The following PCDHA12 variants were observed in gnomAD, a reference collection of about 807,000 sequenced individuals.
PCDHA12 encodes protocadherin alpha-12.
In PCDHA12, 44 loss-of-function variants were observed where a neutral mutation model predicts 60.0. That is an observed-to-expected ratio of 0.73 (90% CI 0.58 to 0.94). The LOEUF (loss-of-function observed/expected upper bound fraction) is 0.94. PCDHA12 is among the 40% of genes least tolerant of loss of function. PCDHA12 has a pLI of 0.00. For missense variants in PCDHA12, 1,276 were observed against 1,239.7 expected (o/e 1.03, Z -0.44); for synonymous variants, 569 against 553.0 (o/e 1.03, Z -0.40).
At chr5:140,885,073 T>TA (rs1196857475) in intron 1 of PCDHA12, among the ~76,000 whole-genome samples, 2 of 152,226 alleles carry the variant, frequency 1.3e-5, no homozygotes, top group African/African-American at 4.8e-5. Context: ...GATATTATTT[T>TA]AAAGAGCCCC....
At chr5:140,996,082 T>A (rs782553216) in intron 3 of PCDHA12, among the ~76,000 whole-genome samples, 6 of 152,248 alleles carry the variant, frequency 3.9e-5, no homozygotes, top group Non-Finnish European at 7.3e-5. Context: ...AAGATGTTTT[T>A]GCTAGATTAC....
rs1554263795 is a variant in PCDHA12 at position 141,012,061 on chromosome 5, C to T, written c.*2124C>T. 1 of 153,730 alleles carries T rather than the reference C, an allele frequency of 6.5e-6. No homozygotes were observed. The highest frequency in any genetic ancestry group is 1.9e-4 in the East Asian group (1 of 5,194). The allele number at this position is 153,730 out of a possible 1,614,324, so 9.5% of individuals were successfully genotyped here. A position where few individuals can be genotyped will look rare whatever the true frequency, so the allele number is the denominator to read the frequency against. The stretch of plus-strand genomic sequence containing the variant: ...CATGGGGTAAAACTTGTTACCAACA[C>T]ATGTGAACCATTGCTACATTGTAGG... On this transcript the variant is annotated 3_prime_UTR_variant, in exon 4 of 4. Coordinates refer to ENST00000398631, the MANE Select transcript of PCDHA12 (RefSeq NM_018903.4).
chr5:141,005,990 A>G (rs1375805001), intron 3 of PCDHA12, among the ~76,000 whole-genome samples: 6 of 151,998 alleles, frequency 3.9e-5, no homozygotes, highest in Admixed American at 3.9e-4. Flanking sequence ...GTGTTTGAGG[A>G]TCTGAAAGAA....
In PCDHA12 at chr5:140,978,964, C is replaced by A; in HGVS notation, c.2383C>A (p.Pro795Thr). The A allele has an allele frequency of 6.2e-7, 1 of 1,614,122 alleles. No individual in the cohort carries two copies. The highest frequency in any genetic ancestry group is 1.3e-5 in the African/African-American group (1 of 75,040). ...GATTTTGCAGCCACGACAGCCCAAC[C>A]CTGACTGGCGTTACTCTGCCTCCCT... The part of the protein sequence containing the change: ...NPPSEPRQPN[P>T]DWRYSASLRA... Residue 795 changes from proline (P) to threonine (T), a missense_variant, in exon 2 of 4, where the codon CCT becomes ACT. Transcript: ENST00000398631.
At chr5:140,899,111 A>G (rs2067143820) in intron 1 of PCDHA12, among the ~76,000 whole-genome samples, 1 of 152,186 alleles carries the variant, frequency 6.6e-6, no homozygotes, top group Admixed American at 6.5e-5. Context: ...GGGGTTTTCT[A>G]GATATACAAT....
chr5:140,911,979 A>G (rs1583809781), intron 1 of PCDHA12, among the ~76,000 whole-genome samples: 2 of 152,328 alleles, frequency 1.3e-5, no homozygotes, highest in African/African-American at 4.8e-5. Flanking sequence ...AACTCACATG[A>G]TCACAAGGTC....
chr5:140,928,485 C>T, intron 1 of PCDHA12: 2 of 1,614,136 alleles, frequency 1.2e-6, no homozygotes, highest in Non-Finnish European at 1.7e-6. Context: ...GGGATGGTGG[C>T]ATTCCTCCCA....
Position 141,009,759 on chromosome 5 carries a change from GATCTCCTGCAATCATCTCC to G in PCDHA12, c.2652_2670del (p.Pro885GlyfsTer15). 6.2e-7 allele frequency: 1 copy of G among 1,614,082 alleles called. No individual in the cohort carries two copies. The highest frequency in any genetic ancestry group is 8.5e-7 in the Non-Finnish European group (1 of 1,180,014). On this transcript the variant is annotated frameshift_variant, in exon 4 of 4. Transcript: ENST00000398631. LOFTEE classifies it high-confidence loss of function. Reference sequence around the variant, plus strand: ...TTGCCCGACAAATTCATTATCCCAGGATCTCCTGCAATCATCTCCATCCGGCAGGAGCCTACTAACAGCC... The same window carrying G: ...TTGCCCGACAAATTCATTATCCCAGGATCCGGCAGGAGCCTACTAACAGCC...
chr5:141,002,039 C>G (rs1198304632), intron 3 of PCDHA12, among the ~76,000 whole-genome samples: 1 of 152,216 alleles, frequency 6.6e-6, no homozygotes, highest in Non-Finnish European at 1.5e-5. Flanking sequence ...TGACTCTTTC[C>G]TGGGCATCCA....
At position 140,938,754 on chromosome 5, in the gene PCDHA12, A is replaced by G. The variant is rs79400957; in HGVS notation, c.2368-40195A>G. Among the ~76,000 whole-genome samples the G allele has an allele frequency of 2.9e-3, 442 of 152,274 alleles. 1 individual carries two copies. Among genetic ancestry groups the G allele is most frequent in the African/African-American group, 0.01 (423 of 41,554 alleles). The stretch of plus-strand genomic sequence containing the variant: ...AAAAAATAATTATTTTTAAAGGCAT[A>G]GTTATTGGGTACTAGACTTAGTACC... On this transcript the variant is annotated intron_variant, in intron 1 of 3. Transcript: ENST00000398631.
intron 3 of PCDHA12, among the ~76,000 whole-genome samples, chr5:140,983,265 T>C (rs553920702): frequency 6.6e-6 from 1 of 152,200 alleles, no homozygotes; most frequent in Non-Finnish European, 1.5e-5. Flanking sequence ...AAAAACCTAA[T>C]GGCTGGGTGA....
chr5:140,976,494 G>A (rs1247242198), intron 1 of PCDHA12, among the ~76,000 whole-genome samples: 1 of 151,942 alleles, frequency 6.6e-6, no homozygotes, highest in Non-Finnish European at 1.5e-5. Context: ...GAGGTTGCAG[G>A]GAGCCAAGAT....
In PCDHA12 at chr5:140,978,974, G is replaced by A. The variant is rs150254638; in HGVS notation, c.2393G>A (p.Arg798His). The A allele has an allele frequency of 2.1e-3, 3,356 of 1,614,130 alleles. 1 individual carries two copies. The highest frequency in any genetic ancestry group is 2.7e-3 in the Non-Finnish European group (3,158 of 1,180,020). The change falls in exon 2 of 4, where the codon CGT becomes CAT. Residue 798 changes from arginine (R) to histidine (H), a missense_variant. Coordinates refer to ENST00000398631, the MANE Select transcript of PCDHA12 (RefSeq NM_018903.4). ...SEPRQPNPDW[R>H]YSASLRAGMH... is the part of the protein sequence containing the mutation. ...CCACGACAGCCCAACCCTGACTGGC[G>A]TTACTCTGCCTCCCTGAGAGCAGGC...
At chr5:140,967,934 A>G (rs781977227) in intron 1 of PCDHA12, 4 of 1,614,172 alleles carry the variant, frequency 2.5e-6, no homozygotes, top group Non-Finnish European at 2.5e-6. Flanking sequence ...TCTCAGTGTC[A>G]ATGACCAAGA....
chr5:140,997,018 A>AT (rs1162959481), intron 3 of PCDHA12, among the ~76,000 whole-genome samples: 3 of 151,882 alleles, frequency 2.0e-5, no homozygotes, highest in Admixed American at 1.3e-4. Flanking sequence ...ATCCTCCAAT[A>AT]TTTTTTTGAA....
At chr5:140,938,468 A>T (rs1427570517) in intron 1 of PCDHA12, among the ~76,000 whole-genome samples, 1 of 152,096 alleles carries the variant, frequency 6.6e-6, no homozygotes, top group Non-Finnish European at 1.5e-5. Flanking sequence ...TTAATTTATT[A>T]TGTTTTTTAA....
At chr5:140,982,617 G>T in intron 3 of PCDHA12, 54 bp downstream of exon 3, 1 of 1,591,926 alleles carries the variant, frequency 6.3e-7, no homozygotes, top group South Asian at 1.1e-5. Context: ...GTGATCAGAT[G>T]ACCTACTTTT....
At chr5:140,992,035 G>A (rs529236840) in intron 3 of PCDHA12, among the ~76,000 whole-genome samples, 1 of 151,988 alleles carries the variant, frequency 6.6e-6, no homozygotes, top group Non-Finnish European at 1.5e-5. Flanking sequence ...GTGTGTGTGT[G>A]TGTGTGTGTG....
chr5:140,946,156 T>G (rs138161459), intron 1 of PCDHA12, among the ~76,000 whole-genome samples: 1 of 151,944 alleles, frequency 6.6e-6, no homozygotes, highest in Non-Finnish European at 1.5e-5. Flanking sequence ...TAACACGATT[T>G]AAAAGATGGG....
Sources: allele counts gnomAD v4.1 joint callset (sites outside exome capture counted in the v4.1 genomes callset), GRCh38; gene constraint gnomAD v4.1.1; transcripts MANE v1.5; gene names NCBI Gene and HGNC (gene_info 2026-07-23, HGNC 2026-07-21).